WLS: variants seen among roughly 807,000 people sequenced by gnomAD.
WLS encodes the protein protein wntless homolog.
A neutral mutation model predicts 62.8 loss-of-function variants in WLS; 23 were observed. That is an observed-to-expected ratio of 0.37 (90% CI 0.26 to 0.52). The LOEUF (loss-of-function observed/expected upper bound fraction) is 0.52, where lower values mean the gene tolerates loss of function less well. Ranked by LOEUF, WLS falls within the 20% of genes least tolerant of loss-of-function variation. The pLI, the probability that WLS is intolerant of heterozygous loss-of-function variation, is 0.92. For missense variants in WLS, 615 were observed against 697.3 expected (o/e 0.88, Z 1.33); for synonymous variants, 246 against 244.1 (o/e 1.01, Z -0.07).
At chr1:68,164,138 G>A (rs1647026684) in intron 2 of WLS, among the ~76,000 whole-genome samples, 2 of 152,152 alleles carry the variant, frequency 1.3e-5, no homozygotes, top group Non-Finnish European at 2.9e-5. Context: ...TAGTGAATTA[G>A]CCACTGTGTT....
rs541518532 is a variant in WLS, at chr1:68,196,745, T to C, written c.107-2518A>G. 4.6e-5 allele frequency among the ~76,000 whole-genome samples: 7 copies of C among 152,240 alleles called. No homozygotes were observed. The South Asian group carries it at 1.4e-3, about 32-fold the overall frequency. On this transcript the variant is annotated intron_variant, in intron 1 of 11. Transcript: ENST00000262348. ...GAAGGCTGAACACTGCAATACAAGT[T>C]GCCACTAACCCCTGCTACAGACGTT...
chr1:68,186,573 A>G (rs1290117286), intron 2 of WLS: 1 of 455,776 alleles, frequency 2.2e-6, no homozygotes, highest in Non-Finnish European at 4.4e-6. Context: ...TGAATCTCTG[A>G]TAAGCAGGAA....
intron 4 of WLS, among the ~76,000 whole-genome samples, chr1:68,154,852 G>C (rs1483117777): frequency 6.6e-6 from 1 of 152,174 alleles, no homozygotes; most frequent in Non-Finnish European, 1.5e-5. Context: ...ACTATTTCAT[G>C]ATCTTATCAT....
chr1:68,190,641 G>A (rs192580605), intron 2 of WLS, among the ~76,000 whole-genome samples: 59 of 152,248 alleles, frequency 3.9e-4, no homozygotes, highest in Admixed American at 1.2e-3. Flanking sequence ...CCCCTTCCCC[G>A]GTGGAGCCCT....
At chr1:68,226,909 AG>A (rs1650165086) in intron 1 of WLS, among the ~76,000 whole-genome samples, 1 of 152,234 alleles carries the variant, frequency 6.6e-6, no homozygotes, top group Admixed American at 6.5e-5. Flanking sequence ...AAACATTTTA[AG>A]GTCAAATCAT....
rs556726988 is a variant in WLS at position 68,168,087 on chromosome 1, C to A, written c.380-8840G>T. On this transcript the variant is annotated intron_variant, in intron 2 of 11. Coordinates refer to ENST00000262348, the MANE Select transcript of WLS (RefSeq NM_024911.7). ...GAAAGTCAGAGAGGAGGGCAAGTAC[C>A]TTCTATAAGCCAGAAATGGTGGGAG... 4.6e-5 allele frequency among the ~76,000 whole-genome samples: 7 copies of A among 152,220 alleles called. No homozygotes were observed. The East Asian group carries it at 1.2e-3, about 25-fold the overall frequency.
chr1:68,149,421 G>A (rs1159187811), intron 6 of WLS, among the ~76,000 whole-genome samples: 1 of 152,174 alleles, frequency 6.6e-6, no homozygotes, highest in Non-Finnish European at 1.5e-5. Flanking sequence ...GCAGTAGGAA[G>A]AAGTCTCTCT....
chr1:68,188,611 G>C (rs756947213), intron 2 of WLS, among the ~76,000 whole-genome samples: 3 of 152,170 alleles, frequency 2.0e-5, no homozygotes, highest in South Asian at 2.1e-4. Context: ...ACCTAGGAAG[G>C]CTCCAGGGGA....
chr1:68,229,258 C>T (rs1650306576), intron 1 of WLS, among the ~76,000 whole-genome samples: 1 of 152,120 alleles, frequency 6.6e-6, no homozygotes, highest in Non-Finnish European at 1.5e-5. Flanking sequence ...GCAGTACTCA[C>T]ACCCTTACAA....
intron 8 of WLS, among the ~76,000 whole-genome samples, chr1:68,146,665 A>G (rs969058173): frequency 3.9e-5 from 6 of 152,178 alleles, no homozygotes; most frequent in African/African-American, 1.4e-4. Flanking sequence ...ACTATTTGCA[A>G]TCTTCTGTCA....
intron 4 of WLS, among the ~76,000 whole-genome samples, chr1:68,154,317 A>G (rs1237039754): frequency 6.6e-6 from 1 of 152,040 alleles, no homozygotes; most frequent in Non-Finnish European, 1.5e-5. Context: ...TACATGATCA[A>G]TTTTTTTTGT....
At chr1:68,169,905 C>G (rs1647120786) in intron 2 of WLS, among the ~76,000 whole-genome samples, 1 of 152,210 alleles carries the variant, frequency 6.6e-6, no homozygotes, top group South Asian at 2.1e-4. Flanking sequence ...AATACAGCCC[C>G]TCTCCTCTCC....
chr1:68,148,000 G>C, intron 8 of WLS, 136 bp downstream of exon 8: 1 of 888,166 alleles, frequency 1.1e-6, no homozygotes, highest in Non-Finnish European at 1.8e-6. Flanking sequence ...CCTTAATTGT[G>C]CTGTTATGAT....
intron 11 of WLS, among the ~76,000 whole-genome samples, chr1:68,110,958 A>G (rs1646221558): frequency 1.3e-5 from 2 of 152,162 alleles, no homozygotes; most frequent in Non-Finnish European, 1.5e-5. Flanking sequence ...AATTTAGAAT[A>G]TTTTTATAAT....
At chr1:68,140,080 T>C (rs1197258499) in intron 10 of WLS, among the ~76,000 whole-genome samples, 1 of 152,260 alleles carries the variant, frequency 6.6e-6, no homozygotes, top group Non-Finnish European at 1.5e-5. Context: ...ATGTGCCAGA[T>C]ACAATACTAA....
intron 1 of WLS, among the ~76,000 whole-genome samples, chr1:68,211,776 G>A (rs1649526294): frequency 6.6e-6 from 1 of 152,174 alleles, no homozygotes; most frequent in Non-Finnish European, 1.5e-5. Flanking sequence ...TCTTGGACAT[G>A]GGTATCCTAC....
At chr1:68,137,995 C>A in intron 10 of WLS, 62 bp from the exon 11 acceptor site, 1 of 1,590,492 alleles carries the variant, frequency 6.3e-7, no homozygotes, top group Non-Finnish European at 8.6e-7. Context: ...AACATAACAC[C>A]AATAAAGGAA....
chr1:68,216,749 G>A (rs1438701004), intron 1 of WLS, among the ~76,000 whole-genome samples: 1 of 152,208 alleles, frequency 6.6e-6, no homozygotes, highest in Non-Finnish European at 1.5e-5. Context: ...TGAACAAGTA[G>A]AGGGTTAATG....
chr1:68,123,281 T>A (rs1243056395), downstream of WLS, among the ~76,000 whole-genome samples: 2 of 152,226 alleles, frequency 1.3e-5, no homozygotes, highest in African/African-American at 2.4e-5. Flanking sequence ...CCTTAAATGC[T>A]GCTGAACCTC....
Sources: allele counts gnomAD v4.1 joint callset (sites outside exome capture counted in the v4.1 genomes callset), GRCh38; gene constraint gnomAD v4.1.1; transcripts MANE v1.5; gene names NCBI Gene and HGNC (gene_info 2026-07-23, HGNC 2026-07-21).